MYOM2: variants seen among roughly 807,000 people sequenced by gnomAD.
The protein encoded by MYOM2 is myomesin-2.
A neutral mutation model predicts 187.6 loss-of-function variants in MYOM2; 254 were observed. The ratio of observed to expected loss-of-function variants is 1.35; its 90% confidence interval spans 1.22 to 1.50. MYOM2 has a LOEUF of 1.50. Ranked by LOEUF, MYOM2 falls within the 40% of genes most tolerant of loss-of-function variation. The pLI, the probability that MYOM2 is intolerant of heterozygous loss-of-function variation, is 0.00. For synonymous variants in MYOM2, 981 were observed against 753.8 expected (o/e 1.30, Z -4.94); for missense variants, 2,796 against 1,924.0 (o/e 1.45, Z -8.48).
Position 2,116,673 on chromosome 8 carries a change from T to A in MYOM2, c.3385+398T>A, listed in dbSNP as rs146378817. ...TACAAACAATATGTTTTAAATAGATTGCTTTTACAAATACATGTTAACTAG... is the reference window on the plus strand; with the variant it reads ...TACAAACAATATGTTTTAAATAGATAGCTTTTACAAATACATGTTAACTAG... On this transcript the variant is annotated intron_variant, in intron 27 of 36. Coordinates refer to ENST00000262113, the MANE Select transcript of MYOM2 (RefSeq NM_003970.4). Among the ~76,000 whole-genome samples the A allele has an allele frequency of 7.2e-5, 11 of 152,352 alleles. No individual in the cohort carries two copies. The East Asian group carries it at 1.9e-3, about 27-fold the overall frequency.
rs547371729 is a variant in MYOM2, at chr8:2,093,739, C to G, written c.2004-231C>G. 1.1e-3 allele frequency among the ~76,000 whole-genome samples: 163 copies of G among 152,368 alleles called. 1 individual carries two copies. Among genetic ancestry groups the G allele is most frequent in the African/African-American group, 3.8e-3 (159 of 41,590 alleles). ...CAGAAAGTACAAAAGCAAAGGTGAA[C>G]TCACAGAACAAGTGGCTTTGGCACC... On this transcript the variant is annotated intron_variant, in intron 16 of 36. Coordinates refer to ENST00000262113, the MANE Select transcript of MYOM2 (RefSeq NM_003970.4).
intron 23 of MYOM2, 63 bp downstream of exon 23, chr8:2,106,660 C>A: frequency 1.7e-6 from 2 of 1,208,036 alleles, no homozygotes; most frequent in Non-Finnish European, 2.3e-6. Flanking sequence ...AGATTGACAC[C>A]AACATAGAAA....
chr8:2,112,798 C>T (rs1385568070), intron 25 of MYOM2, among the ~76,000 whole-genome samples: 2 of 152,210 alleles, frequency 1.3e-5, no homozygotes, highest in Admixed American at 6.5e-5. Context: ...AAGAAGGTTG[C>T]TGATTTTCTG....
chr8:2,076,261 T>C lies in MYOM2; in HGVS notation c.1241T>C (p.Val414Ala). ...CCCAACACCACCACTGAGAGCCCCG[T>C]CATGGGCTATTTTGTGGACCGGTGA... Reference protein sequence around the residue: ...KPPNTTTESPVMGYFVDRCEV... With the variant: ...KPPNTTTESPAMGYFVDRCEV... The change falls in exon 11 of 37, where the codon GTC (valine) becomes GCC (alanine). Residue 414 changes from valine to alanine, a missense_variant. Transcript: ENST00000262113. The C allele has an allele frequency of 6.2e-7, 1 of 1,613,746 alleles. No individual in the cohort carries two copies.
chr8:2,062,937 G>A (rs1003842824), intron 6 of MYOM2, among the ~76,000 whole-genome samples: 1 of 152,182 alleles, frequency 6.6e-6, no homozygotes, highest in Non-Finnish European at 1.5e-5. Context: ...CATGGGCTTC[G>A]AACGGAATGG....
rs756635455 is a variant in MYOM2, at chr8:2,072,380, G to A, written c.829G>A (p.Asp277Asn). The A allele has an allele frequency of 3.1e-6, 5 of 1,613,658 alleles. No individual in the cohort carries two copies. The highest frequency in any genetic ancestry group is 2.7e-5 in the African/African-American group (2 of 74,880). Reference sequence around the variant, plus strand: ...ATCGATGATTCCGTACACGCACTTCGACGTCCAGTTTTTGGAGAAGTTTGG... The same window carrying A: ...ATCGATGATTCCGTACACGCACTTCAACGTCCAGTTTTTGGAGAAGTTTGG... ...LSSMIPYTHF[D>N]VQFLEKFGVT... The change falls in exon 9 of 37, where the codon GAC becomes AAC. Residue 277 changes from aspartate (D) to asparagine (N), a missense_variant. Transcript: ENST00000262113.
intron 19 of MYOM2, 22 bp downstream of exon 19, chr8:2,099,005 A>G (rs772212251): frequency 1.3e-6 from 2 of 1,582,844 alleles, no homozygotes; most frequent in African/African-American, 1.3e-5. Flanking sequence ...CCCCCAGGAC[A>G]CCCGCGTTCC....
intron 21 of MYOM2, among the ~76,000 whole-genome samples, chr8:2,103,253 TGAGA>T (rs139066330): frequency 0.14 from 21,363 of 150,568 alleles, 1,814 homozygotes; most frequent in East Asian, 0.27. Flanking sequence ...GATAAATGAG[TGAGA>T]GAGTGTGCAT....
intron 14 of MYOM2, among the ~76,000 whole-genome samples, 200 bp from the exon 15 acceptor site, chr8:2,089,808 T>C (rs1030653959): frequency 2.0e-5 from 3 of 152,350 alleles, no homozygotes; most frequent in Admixed American, 2.0e-4. Flanking sequence ...CAACTTTGGG[T>C]ATTTGTGACT....
intron 6 of MYOM2, among the ~76,000 whole-genome samples, chr8:2,064,120 C>T (rs1252358054): frequency 1.3e-5 from 2 of 152,210 alleles, no homozygotes; most frequent in African/African-American, 4.8e-5. Context: ...GAGGAAGTCT[C>T]CGCGAGAGTG....
chr8:2,110,732 G>A (rs1230562733), intron 25 of MYOM2, among the ~76,000 whole-genome samples: 1 of 152,154 alleles, frequency 6.6e-6, no homozygotes, highest in Non-Finnish European at 1.5e-5. Context: ...TCATGCTCCC[G>A]GGCAGCCCCC....
At chr8:2,111,133 G>A (rs1012650235) in intron 25 of MYOM2, among the ~76,000 whole-genome samples, 1 of 152,186 alleles carries the variant, frequency 6.6e-6, no homozygotes, top group Admixed American at 6.5e-5. Flanking sequence ...AGCACTTCCT[G>A]CCTGCTGTAT....
intron 25 of MYOM2, among the ~76,000 whole-genome samples, chr8:2,111,758 ATCT>A: frequency 6.6e-6 from 1 of 152,092 alleles, no homozygotes. Flanking sequence ...TCTTAAAATA[ATCT>A]CCCTCCCTCA....
chr8:2,102,705 G>C lies in MYOM2; in HGVS notation c.2658G>C (p.Arg886Ser), dbSNP rs773619988. The C allele has an allele frequency of 6.2e-7, 1 of 1,614,020 alleles. No homozygotes were observed. The highest frequency in any genetic ancestry group is 8.5e-7 in the Non-Finnish European group (1 of 1,179,868). Residue 886 changes from arginine (R) to serine (S), a missense_variant, in exon 21 of 37, where the codon AGG (arginine) becomes AGC (serine). Physicochemically the swap from Arg to Ser is moderately radical, Grantham distance 110. Transcript: ENST00000262113. ...AGCAAGGTAAGACCTATGTCTTCAG[G>C]GTCCGGGCAGTCAATGCAAATGGCG... ...DLQQGKTYVF[R>S]VRAVNANGVG...
intron 32 of MYOM2, among the ~76,000 whole-genome samples, chr8:2,136,038 C>T (rs576203713): frequency 1.2e-4 from 19 of 152,348 alleles, no homozygotes; most frequent in Middle Eastern, 3.4e-3. Flanking sequence ...CTGCTGGAAG[C>T]TCTGCTAATG....
chr8:2,084,606 A>C (rs536910360), intron 13 of MYOM2, among the ~76,000 whole-genome samples: 1 of 152,244 alleles, frequency 6.6e-6, no homozygotes, highest in Non-Finnish European at 1.5e-5. Context: ...GTATATTTAA[A>C]AAAGATGTAT....
In MYOM2 at chr8:2,144,854, A is replaced by G. The variant is rs769424689; in HGVS notation, c.4271A>G (p.Tyr1424Cys). Residue 1424 changes from tyrosine (Y) to cysteine (C), a missense_variant, in exon 37 of 37, where the codon TAT (tyrosine) becomes TGT (cysteine). Transcript: ENST00000262113. ...TACAGCATCAACATCAAGAATAAGT[A>G]TGGCGGGGAGAAGATCGACGTGACA... Reference protein sequence around the residue: ...GKYSINIKNKYGGEKIDVTVS... With the variant: ...GKYSINIKNKCGGEKIDVTVS... The G allele has an allele frequency of 1.2e-5, 19 of 1,614,136 alleles. No individual in the cohort carries two copies. Among genetic ancestry groups the G allele is most frequent in the Non-Finnish European group, 1.5e-5 (18 of 1,180,028 alleles).
chr8:2,065,805 A>C (rs1193134610), intron 6 of MYOM2, among the ~76,000 whole-genome samples: 1 of 152,240 alleles, frequency 6.6e-6, no homozygotes, highest in Non-Finnish European at 1.5e-5. Flanking sequence ...CCCATGAGTT[A>C]AGTGGCTGCG....
chr8:2,096,256 C>A lies in MYOM2; in HGVS notation c.2135C>A (p.Ser712Tyr), dbSNP rs1272480547. ...TTGTGCTTCCTTGCAGCCGTCCCGTCCCATCCTTATGGGATTACGCTCCTC... is the reference window on the plus strand; with the variant it reads ...TTGTGCTTCCTTGCAGCCGTCCCGTACCATCCTTATGGGATTACGCTCCTC... ...IKVQAALTVP[S>Y]HPYGITLLNC... The change falls in exon 18 of 37, where the codon TCC (serine) becomes TAC (tyrosine). Residue 712 changes from serine (S) to tyrosine (Y), a missense_variant. Transcript: ENST00000262113. 3 of 1,613,970 alleles carry A rather than the reference C, an allele frequency of 1.9e-6. No homozygotes were observed. The highest frequency in any genetic ancestry group is 2.5e-6 in the Non-Finnish European group (3 of 1,179,964).
Sources: allele counts gnomAD v4.1 joint callset (sites outside exome capture counted in the v4.1 genomes callset), GRCh38; gene constraint gnomAD v4.1.1; transcripts MANE v1.5; gene names NCBI Gene and HGNC (gene_info 2026-07-23, HGNC 2026-07-21).